MTCL2: variants seen among roughly 807,000 people sequenced by gnomAD.
The protein encoded by MTCL2 is microtubule crosslinking factor 2.
At chr20:36,847,875 A>C in the MTCL2 span, among the ~76,000 whole-genome samples, 1 of 145,870 alleles carries the variant, frequency 6.9e-6, no homozygotes, top group Non-Finnish European at 1.5e-5. Context: ...AAAAAAAAAG[A>C]GTATAGCTTC....
At chr20:36,783,198 T>C in the MTCL2 span, 1 of 152,008 alleles carries the variant, frequency 6.6e-6, no homozygotes, top group African/African-American at 2.4e-5. Flanking sequence ...CTTGAGTTCA[T>C]AGAAAGCAAG....
chr20:36,815,428 C>T, the MTCL2 span: 2 of 1,612,530 alleles, frequency 1.2e-6, no homozygotes, highest in Admixed American at 1.7e-5. This position sits in a 1 kb window ranked among gnomAD's most constrained non-coding sequence, Gnocchi z 5.3. Context: ...TTGGCATCAG[C>T]CACCAGGACA....
chr20:36,829,065 G>T, the MTCL2 span: 2 of 1,550,212 alleles, frequency 1.3e-6, no homozygotes, highest in Non-Finnish European at 8.7e-7. Context: ...TCTCTCGGTC[G>T]CTCCAGCTCC....
chr20:36,849,815 G>A, the MTCL2 span, among the ~76,000 whole-genome samples: 3 of 152,204 alleles, frequency 2.0e-5, no homozygotes, highest in African/African-American at 7.2e-5. Flanking sequence ...GCATGGCTAT[G>A]ACGGAATTGG....
the MTCL2 span, among the ~76,000 whole-genome samples, chr20:36,787,818 G>A: frequency 1.7e-4 from 26 of 150,748 alleles, no homozygotes; most frequent in East Asian, 4.3e-3. Context: ...CCCAGGGTGC[G>A]GAGGTTGCAG....
At chr20:36,859,772 T>C in the MTCL2 span, 6 of 1,231,588 alleles carry the variant, frequency 4.9e-6, no homozygotes, top group African/African-American at 9.3e-5. Context: ...CTCCTTCAAC[T>C]CTGCTCCTGC....
chr20:36,787,171 T>A, the MTCL2 span, among the ~76,000 whole-genome samples: 1 of 152,002 alleles, frequency 6.6e-6, no homozygotes, highest in Non-Finnish European at 1.5e-5. Flanking sequence ...TCTTTTTTAG[T>A]GTCTCTGTAC....
chr20:36,778,415 T>G, the MTCL2 span: 3 of 152,282 alleles, frequency 2.0e-5, no homozygotes, highest in African/African-American at 4.8e-5. Flanking sequence ...GGGTCTTGGG[T>G]GGGGCTGCTA....
chr20:36,841,210 G>A, the MTCL2 span, among the ~76,000 whole-genome samples: 1 of 140,800 alleles, frequency 7.1e-6, no homozygotes, highest in Non-Finnish European at 1.5e-5. Flanking sequence ...GTTCACGCCT[G>A]TAATCCCAGC....
chr20:36,797,835 A>G, the MTCL2 span, among the ~76,000 whole-genome samples: 5 of 152,320 alleles, frequency 3.3e-5, no homozygotes, highest in Admixed American at 6.5e-5. Context: ...GACTATGTGA[A>G]TTCATGTTAC....
the MTCL2 span, chr20:36,777,654 G>A: frequency 2.1e-6 from 1 of 485,590 alleles, no homozygotes. Context: ...CAAGAGAGGT[G>A]GACAGTTGGC....
At chr20:36,803,024 C>A in the MTCL2 span, 1 of 1,602,700 alleles carries the variant, frequency 6.2e-7, no homozygotes, top group South Asian at 1.1e-5. Flanking sequence ...GGAGGTGCTG[C>A]TGCTCCTCAC....
At chr20:36,815,661 T>G in the MTCL2 span, 1 of 1,607,888 alleles carries the variant, frequency 6.2e-7, no homozygotes, top group Non-Finnish European at 8.5e-7. The surrounding 1 kb of genome is among the most constrained non-coding windows in gnomAD (Gnocchi z 5.3). Context: ...GAGCACGCGG[T>G]TCTCGTACTG....
At chr20:36,794,267 C>A in the MTCL2 span, 1 of 1,551,658 alleles carries the variant, frequency 6.4e-7, no homozygotes, top group Non-Finnish European at 8.7e-7. This position sits in a 1 kb window ranked among gnomAD's most constrained non-coding sequence, Gnocchi z 5.4. Flanking sequence ...AATGATCTTG[C>A]CCTCTTTGTC....
the MTCL2 span, among the ~76,000 whole-genome samples, chr20:36,807,285 C>A: frequency 6.6e-6 from 1 of 152,106 alleles, no homozygotes. Context: ...TGCCTGGCTC[C>A]TGGGGCATCT....
At chr20:36,804,654 T>C in the MTCL2 span, 2 of 1,551,578 alleles carry the variant, frequency 1.3e-6, no homozygotes, top group South Asian at 1.2e-5. Context: ...GAGCATGGCC[T>C]TGGTATTCTA....
At chr20:36,834,346 A>G in the MTCL2 span, among the ~76,000 whole-genome samples, 3 of 152,056 alleles carry the variant, frequency 2.0e-5, no homozygotes, top group Non-Finnish European at 2.9e-5. Flanking sequence ...AATGAAACCC[A>G]AAGCCAGAAC....
the MTCL2 span, among the ~76,000 whole-genome samples, chr20:36,792,574 A>C: frequency 4.0e-5 from 6 of 151,892 alleles, no homozygotes; most frequent in African/African-American, 1.5e-4. Context: ...CTGCAAGCCA[A>C]ACAAGCTGGC....
At chr20:36,778,683 TGAGA>T in the MTCL2 span, 6,370 of 152,670 alleles carry the variant, frequency 0.042, 425 homozygotes, top group African/African-American at 0.14. Context: ...GTGGCAGAGC[TGAGA>T]GAGGAGCCAG....
Sources: allele counts gnomAD v4.1 joint callset (sites outside exome capture counted in the v4.1 genomes callset), GRCh38; gene constraint gnomAD v4.1.1; non-coding constraint Gnocchi (gnomAD v3.1); transcripts MANE v1.5; gene names NCBI Gene and HGNC (gene_info 2026-07-23, HGNC 2026-07-21).